TBCA: variants seen among roughly 807,000 people sequenced by gnomAD.
TBCA encodes the protein tubulin-specific chaperone A.
TBCA carries 6 observed loss-of-function variants against 15.8 expected under a neutral mutation model. That is an observed-to-expected ratio of 0.38 (90% CI 0.21 to 0.75). The LOEUF is 0.75. Ranked by LOEUF, TBCA falls within the 30% of genes least tolerant of loss-of-function variation. The probability of loss-of-function intolerance (pLI) is 0.46; values close to 1 mark genes in which losing one functional copy is unlikely to be tolerated. For synonymous variants in TBCA, 32 were observed against 42.3 expected (o/e 0.76, Z 0.94); for missense variants, 90 against 131.2 (o/e 0.69, Z 1.53).
chr5:77,754,932 T>C (rs1417115554), intron 1 of TBCA, among the ~76,000 whole-genome samples: 1 of 152,256 alleles, frequency 6.6e-6, no homozygotes, highest in Non-Finnish European at 1.5e-5. Context: ...GGGATTATTA[T>C]TTAATTTATG....
intron 2 of TBCA, among the ~76,000 whole-genome samples, chr5:77,706,155 T>G (rs1746145106): frequency 6.6e-6 from 1 of 152,212 alleles, no homozygotes; most frequent in South Asian, 2.1e-4. Context: ...GAGTTAAGTG[T>G]GATTACCAAT....
chr5:77,776,190 C>A lies in TBCA; in HGVS notation c.53+15G>T. 1.9e-6 allele frequency: 3 copies of A among 1,557,604 alleles called. No individual in the cohort carries two copies. The highest frequency in any genetic ancestry group is 2.6e-6 in the Non-Finnish European group (3 of 1,151,606). ...GACGAAGAGGAGGTGCAGGGCGCCG[C>A]TCCCGGCTCCTTACCGCTTCACCAC... On this transcript the variant is annotated intron_variant, in intron 1 of 3. Transcript: ENST00000380377.
intron 1 of TBCA, among the ~76,000 whole-genome samples, chr5:77,718,621 G>C (rs1746460701): frequency 1.3e-5 from 2 of 152,130 alleles, no homozygotes; most frequent in African/African-American, 4.8e-5. Flanking sequence ...CAATCCTTGT[G>C]GTCATTATAA....
intron 1 of TBCA, among the ~76,000 whole-genome samples, chr5:77,723,803 C>T (rs907668588): frequency 4.0e-5 from 6 of 151,862 alleles, no homozygotes; most frequent in South Asian, 2.1e-4. Flanking sequence ...TGAAAAGACA[C>T]GTGACATTCA....
intron 1 of TBCA, among the ~76,000 whole-genome samples, chr5:77,751,496 G>A (rs4345301): frequency 6.6e-6 from 1 of 151,964 alleles, no homozygotes; most frequent in Non-Finnish European, 1.5e-5. Context: ...CAGTCTTTCA[G>A]GTTAAATTTT....
intron 1 of TBCA, among the ~76,000 whole-genome samples, chr5:77,710,702 C>T (rs1265805744): frequency 6.6e-6 from 1 of 152,140 alleles, no homozygotes; most frequent in Non-Finnish European, 1.5e-5. Flanking sequence ...GGGTCACATG[C>T]TATTCCCTTG....
chr5:77,711,796 A>G (rs1441212719), intron 1 of TBCA, among the ~76,000 whole-genome samples: 4 of 152,206 alleles, frequency 2.6e-5, no homozygotes, highest in Admixed American at 6.5e-5. Context: ...CAATGGCTCC[A>G]GCAACATTAA....
chr5:77,725,271 C>T (rs1746608209), intron 1 of TBCA, among the ~76,000 whole-genome samples: 1 of 152,188 alleles, frequency 6.6e-6, no homozygotes, highest in African/African-American at 2.4e-5. Flanking sequence ...CCTGTCTTTA[C>T]TCCATTTATT....
chr5:77,751,866 C>T (rs1380202159), intron 1 of TBCA, among the ~76,000 whole-genome samples: 2 of 152,054 alleles, frequency 1.3e-5, no homozygotes, highest in Non-Finnish European at 2.9e-5. Flanking sequence ...GCCAGGAGTG[C>T]TGATTGGTTA....
At chr5:77,744,036 TCTTA>T (rs1747110471) in intron 1 of TBCA, among the ~76,000 whole-genome samples, 1 of 152,174 alleles carries the variant, frequency 6.6e-6, no homozygotes, top group Non-Finnish European at 1.5e-5. Context: ...CAGCTTTATG[TCTTA>T]CTAACTTCCC....
In TBCA at chr5:77,691,226, G is replaced by T; in HGVS notation, c.*192C>A. 1 of 571,634 alleles carries T rather than the reference G, an allele frequency of 1.7e-6. No individual in the cohort carries two copies. Among genetic ancestry groups the T allele is most frequent in the Non-Finnish European group, 3.0e-6 (1 of 331,550 alleles). 35.4% of individuals were successfully genotyped at this position (571,634 alleles called of 1,614,324 possible). A position where few individuals can be genotyped will look rare whatever the true frequency, so the allele number is the denominator to read the frequency against. On this transcript the variant is annotated 3_prime_UTR_variant, in exon 4 of 4. Coordinates refer to ENST00000380377, the MANE Select transcript of TBCA (RefSeq NM_004607.3). Reference sequence around the variant, plus strand: ...AAGGTTAATTTAAAAATTTTGTAAAGTATAAAATAAACAATTTTATTAGAT... The same window carrying T: ...AAGGTTAATTTAAAAATTTTGTAAATTATAAAATAAACAATTTTATTAGAT...
At chr5:77,771,051 G>A (rs1467019635) in intron 1 of TBCA, among the ~76,000 whole-genome samples, 2 of 151,984 alleles carry the variant, frequency 1.3e-5, no homozygotes, top group South Asian at 2.1e-4. Context: ...AACCCAGGAG[G>A]CAGCAGCTGC....
At chr5:77,736,335 CAAAA>C (rs34100013) in intron 1 of TBCA, among the ~76,000 whole-genome samples, 2 of 90,276 alleles carry the variant, frequency 2.2e-5, no homozygotes, top group African/African-American at 4.2e-5. Context: ...GACTCCGTCT[CAAAA>C]AAAAAAAAAA....
At chr5:77,723,501 CA>C (rs563939666) in intron 1 of TBCA, among the ~76,000 whole-genome samples, 60 of 152,036 alleles carry the variant, frequency 3.9e-4, no homozygotes, top group Non-Finnish European at 7.8e-4. Context: ...TATGGTAGAA[CA>C]GACTAAATGT....
intron 1 of TBCA, among the ~76,000 whole-genome samples, chr5:77,720,458 A>C (rs997534557): frequency 6.6e-6 from 1 of 152,204 alleles, no homozygotes; most frequent in Non-Finnish European, 1.5e-5. Context: ...TCTCGCCTGT[A>C]ATCCCAGCAC....
chr5:77,691,676 CAAGGA>C (rs906309698), intron 3 of TBCA, 178 bp from the exon 4 acceptor site: 6 of 1,347,466 alleles, frequency 4.5e-6, no homozygotes, highest in Middle Eastern at 5.5e-4. Flanking sequence ...TCCTTCTTTA[CAAGGA>C]AAGGAAGAAA....
chr5:77,755,502 G>A (rs1015506213), intron 1 of TBCA, among the ~76,000 whole-genome samples: 1 of 152,074 alleles, frequency 6.6e-6, no homozygotes, highest in African/African-American at 2.4e-5. Context: ...TTGAACCTGG[G>A]AGGTGGAGGT....
chr5:77,709,591 CA>C (rs1746229530), intron 1 of TBCA, among the ~76,000 whole-genome samples: 1 of 152,124 alleles, frequency 6.6e-6, no homozygotes. Context: ...GGATGGCAAT[CA>C]AAATTGGTAT....
At chr5:77,702,620 A>ATGAG (rs1167859224) in intron 2 of TBCA, among the ~76,000 whole-genome samples, 1 of 152,308 alleles carries the variant, frequency 6.6e-6, no homozygotes, top group Admixed American at 6.5e-5. Context: ...AAACACACAA[A>ATGAG]TGAGTGCAGG....
Sources: allele counts gnomAD v4.1 joint callset (sites outside exome capture counted in the v4.1 genomes callset), GRCh38; gene constraint gnomAD v4.1.1; transcripts MANE v1.5; gene names NCBI Gene and HGNC (gene_info 2026-07-23, HGNC 2026-07-21).